Variants in UBR1 observed in about 807,000 individuals in gnomAD.
The protein encoded by UBR1 is ubiquitin protein ligase E3 component n-recognin 1.
A neutral mutation model predicts 242.1 loss-of-function variants in UBR1; 102 were observed. That is an observed-to-expected ratio of 0.42 (90% CI 0.36 to 0.50). The LOEUF (loss-of-function observed/expected upper bound fraction) is 0.50, where lower values mean the gene tolerates loss of function less well. UBR1 is among the 20% of genes least tolerant of loss of function. The pLI is 0.01. For missense variants in UBR1, 1,772 were observed against 2,101.8 expected, an observed-to-expected ratio of 0.84 and a Z score of 3.07; for synonymous variants, 675 against 684.8, an observed-to-expected ratio of 0.99 and a Z score of 0.22.
intron 15 of UBR1, among the ~76,000 whole-genome samples, chr15:43,041,202 A>G (rs1324903730): frequency 2.0e-5 from 3 of 152,244 alleles, no homozygotes; most frequent in Non-Finnish European, 4.4e-5. Context: ...CCAAATGTCC[A>G]TCAATGATAG....
intron 3 of UBR1, among the ~76,000 whole-genome samples, chr15:43,078,461 T>C (rs1465546419): frequency 1.3e-5 from 2 of 152,100 alleles, no homozygotes; most frequent in Non-Finnish European, 2.9e-5. Context: ...CTTGTAACCC[T>C]TGAGCATGAA....
chr15:43,004,030 A>C, intron 30 of UBR1, 100 bp from the exon 31 acceptor site: 2 of 980,902 alleles, frequency 2.0e-6, no homozygotes, highest in South Asian at 2.6e-5. Flanking sequence ...AAGTGTCACA[A>C]TATCATGATA....
Position 43,067,889 on chromosome 15 carries a change from A to G in UBR1, c.798+9T>C, listed in dbSNP as rs756295784. On this transcript the variant is annotated intron_variant, in intron 6 of 46. Coordinates refer to ENST00000290650, the MANE Select transcript of UBR1 (RefSeq NM_174916.3). ...AAACAGAAACGCAATTCAAAAGGAG[A>G]CCACAAACCTCTTTGTCAATGGCAG... is the stretch of plus-strand genomic sequence containing the variant. 1.9e-6 allele frequency: 3 copies of G among 1,613,894 alleles called. No individual in the cohort carries two copies.
chr15:42,988,726 T>A, intron 35 of UBR1, 93 bp downstream of exon 35: 1 of 1,524,758 alleles, frequency 6.6e-7, no homozygotes, highest in South Asian at 1.1e-5. Context: ...AGTCAAATTA[T>A]TCTGGGCCAT....
chr15:43,102,065 G>A (rs572756640), intron 1 of UBR1, among the ~76,000 whole-genome samples: 5 of 150,860 alleles, frequency 3.3e-5, no homozygotes. Flanking sequence ...ACTTGAACTT[G>A]GGACAAAGAG....
At chr15:43,014,564 G>A (rs1314638785) in intron 29 of UBR1, among the ~76,000 whole-genome samples, 18 of 147,762 alleles carry the variant, frequency 1.2e-4, no homozygotes, top group African/African-American at 4.0e-4. Context: ...GCCTCTGCCC[G>A]GCCGCGACCC....
chr15:43,005,230 C>A (rs908405826), intron 30 of UBR1, among the ~76,000 whole-genome samples: 1 of 152,106 alleles, frequency 6.6e-6, no homozygotes, highest in Admixed American at 6.5e-5. Context: ...GGCAGCCGCC[C>A]GGTCCAGGAG....
rs35224418 is a variant in UBR1 at position 43,064,577 on chromosome 15, C to CTT, written c.798+3319_798+3320dup. ...TTTTTCACTATTTCCTATCTTACAT[C>CTT]TTTTTTTTTTTTTTTTTGAGATAGA... On this transcript the variant is annotated intron_variant, in intron 6 of 46. Transcript: ENST00000290650. 1.4e-3 allele frequency among the ~76,000 whole-genome samples: 199 copies of CTT among 138,838 alleles called. 1 individual carries two copies. Among genetic ancestry groups the CTT allele is most frequent in the Admixed American group, 3.0e-3 (42 of 13,836 alleles). 91.1% of individuals were successfully genotyped at this position (138,838 alleles called of 152,430 possible). A position where few individuals can be genotyped will look rare whatever the true frequency, so the allele number is the denominator to read the frequency against.
At chr15:43,061,323 C>T (rs2033681782) in intron 6 of UBR1, among the ~76,000 whole-genome samples, 1 of 152,226 alleles carries the variant, frequency 6.6e-6, no homozygotes, top group Non-Finnish European at 1.5e-5. Flanking sequence ...AGCAAGGGGA[C>T]TGCTCCTGCA....
chr15:42,983,843 G>A, intron 37 of UBR1, 54 bp downstream of exon 37: 1 of 1,106,132 alleles, frequency 9.0e-7, no homozygotes, highest in Non-Finnish European at 1.2e-6. Context: ...AAATGCAATA[G>A]AAAAAGATAT....
intron 40 of UBR1, among the ~76,000 whole-genome samples, chr15:42,966,630 A>G (rs1316876655): frequency 1.3e-5 from 2 of 151,602 alleles, no homozygotes; most frequent in African/African-American, 2.4e-5. Flanking sequence ...GTGAGCTGAA[A>G]CTGTGCCACT....
intron 15 of UBR1, among the ~76,000 whole-genome samples, chr15:43,042,998 T>C (rs2033438779): frequency 2.6e-5 from 4 of 152,148 alleles, no homozygotes; most frequent in Non-Finnish European, 1.5e-5. Context: ...GATCCATAAG[T>C]TGACCCAGAC....
chr15:42,976,074 T>C (rs1344422971), intron 39 of UBR1, among the ~76,000 whole-genome samples: 3 of 152,308 alleles, frequency 2.0e-5, no homozygotes, highest in Non-Finnish European at 2.9e-5. Flanking sequence ...GTATCATCAT[T>C]CCATAATGTT....
At chr15:43,004,640 C>A (rs1006740412) in intron 30 of UBR1, among the ~76,000 whole-genome samples, 1 of 152,246 alleles carries the variant, frequency 6.6e-6, no homozygotes, top group Non-Finnish European at 1.5e-5. Context: ...CTCAGCCTCC[C>A]GAGGTGCCGG....
chr15:43,067,214 C>A (rs959250063), intron 6 of UBR1, among the ~76,000 whole-genome samples: 1 of 151,866 alleles, frequency 6.6e-6, no homozygotes, highest in Non-Finnish European at 1.5e-5. Flanking sequence ...ATTAGCTGTT[C>A]GTACCCTTTT....
chr15:43,043,330 G>A lies in UBR1; in HGVS notation c.1734C>T (p.Phe578=). 6.2e-7 allele frequency: 1 copy of A among 1,614,010 alleles called. No homozygotes were observed. Among genetic ancestry groups the A allele is most frequent in the Non-Finnish European group, 8.5e-7 (1 of 1,179,986 alleles). The change falls in exon 15 of 47, where the codon TTC becomes TTT. Residue 578 remains phenylalanine, a synonymous_variant. Transcript: ENST00000290650. The part of the protein sequence containing the change: ...HKAVMRCSTS[F]ISSSKTVVQS... The stretch of plus-strand genomic sequence containing the variant: ...GTACTACTGTCTTGCTACTAGATAT[G>A]AAACTGGTACTGCACCTCATCACAG...
At chr15:43,043,143 A>C (rs2033440356) in intron 15 of UBR1, 72 bp downstream of exon 15, 2 of 1,558,288 alleles carry the variant, frequency 1.3e-6, no homozygotes, top group African/African-American at 2.7e-5. Flanking sequence ...CAAAAATAGA[A>C]ATGATTCTAC....
intron 43 of UBR1, among the ~76,000 whole-genome samples, chr15:42,959,019 C>T (rs1349161114): frequency 3.3e-5 from 5 of 151,944 alleles, no homozygotes; most frequent in African/African-American, 9.7e-5. Context: ...TTACTAGAGA[C>T]GGGGTTTCGT....
chr15:42,958,020 G>C lies in UBR1; in HGVS notation c.4828C>G (p.His1610Asp), dbSNP rs775900069. The change falls in exon 44 of 47, where the codon CAT becomes GAT. Residue 1610 changes from histidine to aspartate, a missense_variant. By Grantham distance (81) the His-to-Asp change is moderately conservative (BLOSUM62 -1). Transcript: ENST00000290650. The stretch of plus-strand genomic sequence containing the variant: ...TATACACACTCTCCTTACCTGAAAT[G>C]AGAAGCTTGATTCAGGAGGCAGCTA... ...DYSCLLNQAS[H>D]FRCPRSADDE... 3 of 1,612,436 alleles carry C rather than the reference G, an allele frequency of 1.9e-6. No individual in the cohort carries two copies. The East Asian group carries it at 6.7e-5, about 36-fold the overall frequency.
Sources: gnomAD v4.1 joint callset for allele counts (sites outside exome capture counted in the v4.1 genomes callset) on GRCh38, gnomAD v4.1.1 for gene constraint, MANE v1.5 for transcripts, NCBI Gene and HGNC (gene_info 2026-07-23, HGNC 2026-07-21) for gene names.